The following LRP1B variants were observed in gnomAD, a reference collection of about 807,000 sequenced individuals.
LRP1B encodes low-density lipoprotein receptor-related protein 1B.
LRP1B carries 217 observed loss-of-function variants against 556.6 expected under a neutral mutation model. The ratio of observed to expected loss-of-function variants is 0.39; its 90% CI spans 0.35 to 0.44. LRP1B has a LOEUF of 0.44. Ranked by LOEUF, LRP1B falls within the 20% of genes least tolerant of loss-of-function variation. LRP1B has a pLI of 1.00. For synonymous variants in LRP1B, 2,047 were observed against 1,865.8 expected (o/e 1.10, Z -2.50); for missense variants, 5,053 against 5,620.8 (o/e 0.90, Z 3.23).
intron 87 of LRP1B, 62 bp downstream of exon 87, chr2:140,247,024 A>G: frequency 8.5e-7 from 1 of 1,183,358 alleles, no homozygotes; most frequent in East Asian, 2.4e-5. Context: ...TCACTCAATA[A>G]TGACATAACA....
chr2:141,209,137 T>C (rs1393108177), intron 6 of LRP1B, among the ~76,000 whole-genome samples: 1 of 152,054 alleles, frequency 6.6e-6, no homozygotes, highest in Non-Finnish European at 1.5e-5. Flanking sequence ...TAAGGAAATC[T>C]AGAACTGATA....
chr2:140,926,765 G>A lies in LRP1B; in HGVS notation c.3137-3618C>T, dbSNP rs960608188. On this transcript the variant is annotated intron_variant, in intron 20 of 90. Coordinates refer to ENST00000389484, the MANE Select transcript of LRP1B (RefSeq NM_018557.3). ...TAAAAGCTCAGAAATTATACATGAT[G>A]CTTTTTATTGATGTGCGTTTTTTTC... Among the ~76,000 whole-genome samples the A allele has an allele frequency of 8.5e-5, 13 of 152,246 alleles. No individual in the cohort carries two copies. The East Asian group carries it at 9.7e-4, about 11-fold the overall frequency.
chr2:141,121,420 C>T (rs1701044685), intron 7 of LRP1B, among the ~76,000 whole-genome samples: 1 of 151,960 alleles, frequency 6.6e-6, no homozygotes, highest in East Asian at 1.9e-4. Context: ...AATGCTCTAA[C>T]CCCTGAGCTA....
At chr2:140,289,085 T>C (rs1172586119) in intron 84 of LRP1B, among the ~76,000 whole-genome samples, 3 of 151,962 alleles carry the variant, frequency 2.0e-5, no homozygotes, top group African/African-American at 7.2e-5. Context: ...AATTTTTTTA[T>C]TCAGTAGTGC....
At chr2:142,056,899 A>T (rs1704694578) in intron 1 of LRP1B, among the ~76,000 whole-genome samples, 1 of 134,408 alleles carries the variant, frequency 7.4e-6, no homozygotes, top group Non-Finnish European at 1.6e-5. Flanking sequence ...CCTTTATTGC[A>T]ATAAATATTT....
intron 2 of LRP1B, among the ~76,000 whole-genome samples, chr2:141,568,704 T>C (rs1033579029): frequency 6.6e-6 from 1 of 151,320 alleles, no homozygotes; most frequent in Non-Finnish European, 1.5e-5. Flanking sequence ...AATTTTTCTA[T>C]ATGTTAATTT....
intron 1 of LRP1B, among the ~76,000 whole-genome samples, chr2:142,118,073 C>T (rs1707334519): frequency 6.6e-6 from 1 of 152,128 alleles, no homozygotes; most frequent in Admixed American, 6.6e-5. Context: ...AGTTGCCAAT[C>T]ATTTTCTTTT....
At chr2:141,685,787 G>A (rs1691272942) in intron 2 of LRP1B, among the ~76,000 whole-genome samples, 1 of 152,076 alleles carries the variant, frequency 6.6e-6, no homozygotes, top group African/African-American at 2.4e-5. Flanking sequence ...GCCTCCAGAA[G>A]AAATAAGTTA....
chr2:141,570,924 G>A (rs538340944), intron 2 of LRP1B, among the ~76,000 whole-genome samples: 1 of 151,400 alleles, frequency 6.6e-6, no homozygotes, highest in South Asian at 2.1e-4. Context: ...TGAGCCCCAA[G>A]GGGGAGGGGT....
chr2:141,534,506 T>C (rs750052795), intron 2 of LRP1B, among the ~76,000 whole-genome samples: 2 of 152,102 alleles, frequency 1.3e-5, no homozygotes, highest in Non-Finnish European at 2.9e-5. Context: ...TCTCTTGTCG[T>C]GAGTGTATTA....
At chr2:141,337,240 A>C (rs1023267496) in intron 3 of LRP1B, among the ~76,000 whole-genome samples, 1 of 152,150 alleles carries the variant, frequency 6.6e-6, no homozygotes, top group African/African-American at 2.4e-5. Flanking sequence ...AGCAAGCCTA[A>C]TTGATTTATA....
rs150198744 is a variant in LRP1B at position 140,652,034 on chromosome 2, A to T, written c.6799+48216T>A. On this transcript the variant is annotated intron_variant, in intron 41 of 90. Transcript: ENST00000389484. ...CTGATATTTAAAGTTCATAGAACAA[A>T]AAAAATGTAAGTTTAAGAGATTTTA... Among the ~76,000 whole-genome samples, 842 of 152,320 alleles carry T rather than the reference A, an allele frequency of 5.5e-3. 11 individuals are homozygous for T. The highest frequency in any genetic ancestry group is 9.9e-3 in the Non-Finnish European group (674 of 68,024).
chr2:140,815,604 A>T (rs1034445454), intron 31 of LRP1B, among the ~76,000 whole-genome samples: 1 of 152,160 alleles, frequency 6.6e-6, no homozygotes, highest in African/African-American at 2.4e-5. Context: ...GTTTCTAACT[A>T]AATTCTGTGT....
intron 66 of LRP1B, among the ~76,000 whole-genome samples, chr2:140,388,436 C>T (rs1246100142): frequency 5.3e-5 from 8 of 151,422 alleles, no homozygotes; most frequent in Non-Finnish European, 1.5e-5. Flanking sequence ...TTTTCTAAAT[C>T]CATTTTGTAT....
At chr2:141,586,708 C>T (rs553211216) in intron 2 of LRP1B, among the ~76,000 whole-genome samples, 5 of 151,984 alleles carry the variant, frequency 3.3e-5, no homozygotes, top group South Asian at 2.1e-4. Context: ...TTTGGGAGGC[C>T]GAGGCGGGTG....
chr2:142,106,435 A>C (rs1706748451), intron 1 of LRP1B, among the ~76,000 whole-genome samples: 2 of 152,182 alleles, frequency 1.3e-5, no homozygotes, highest in Admixed American at 1.3e-4. Flanking sequence ...TTGCAGATAC[A>C]AAATCTCAGT....
intron 1 of LRP1B, among the ~76,000 whole-genome samples, chr2:141,943,915 C>T (rs950874705): frequency 4.6e-5 from 7 of 152,076 alleles, no homozygotes; most frequent in Non-Finnish European, 1.0e-4. Context: ...AAAGGAAAAA[C>T]AATGCAGCAA....
intron 1 of LRP1B, among the ~76,000 whole-genome samples, chr2:141,968,998 T>A (rs1353020569): frequency 3.3e-5 from 5 of 151,602 alleles, no homozygotes. Flanking sequence ...CTGCAGCTAT[T>A]TGGGCTACAT....
chr2:141,471,353 T>C (rs888571019), intron 3 of LRP1B, among the ~76,000 whole-genome samples: 5 of 150,948 alleles, frequency 3.3e-5, no homozygotes, highest in Non-Finnish European at 4.4e-5. Flanking sequence ...ACTGTATACC[T>C]ATTCTAATGT....
Sources: gnomAD v4.1 joint callset for allele counts (sites outside exome capture counted in the v4.1 genomes callset) on GRCh38, gnomAD v4.1.1 for gene constraint, MANE v1.5 for transcripts, NCBI Gene and HGNC (gene_info 2026-07-23, HGNC 2026-07-21) for gene names.